The following CNTNAP2 variants were observed in gnomAD, a reference collection of about 807,000 sequenced individuals.
The protein encoded by CNTNAP2 is contactin associated protein 2.
CNTNAP2 carries 98 observed loss-of-function variants against 155.2 expected under a neutral mutation model. The ratio of observed to expected loss-of-function variants is 0.63; its 90% CI spans 0.54 to 0.75. The LOEUF is 0.75. Among genes scored for constraint, CNTNAP2 ranks in the 30% least tolerant of loss-of-function variants. The pLI is 0.00. For synonymous variants in CNTNAP2, 651 were observed against 631.2 expected, an observed-to-expected ratio of 1.03 and a Z score of -0.47; for missense variants, 1,727 against 1,688.1, an observed-to-expected ratio of 1.02 and a Z score of -0.40.
intron 1 of CNTNAP2, among the ~76,000 whole-genome samples, chr7:146,562,789 T>A (rs73468423): frequency 0.03 from 4,605 of 152,280 alleles, 255 homozygotes; most frequent in African/African-American, 0.1. Flanking sequence ...TAGGTTTTTT[T>A]ATTTAATCAA....
chr7:148,074,646 C>A (rs181841993), intron 15 of CNTNAP2, among the ~76,000 whole-genome samples: 1 of 151,708 alleles, frequency 6.6e-6, no homozygotes, highest in Non-Finnish European at 1.5e-5. Flanking sequence ...CGAGATTGCG[C>A]CACTGCACTC....
chr7:147,104,676 C>CA, intron 4 of CNTNAP2, among the ~76,000 whole-genome samples: 1 of 150,596 alleles, frequency 6.6e-6, no homozygotes, highest in South Asian at 2.1e-4. Context: ...ACTACAGTTT[C>CA]AAATTATATA....
intron 1 of CNTNAP2, among the ~76,000 whole-genome samples, chr7:146,552,137 C>T (rs1798132203): frequency 6.6e-6 from 1 of 152,086 alleles, no homozygotes; most frequent in African/African-American, 2.4e-5. Context: ...AGCAAAGTTG[C>T]AACTATTATT....
At chr7:146,158,684 G>T (rs573422181) in intron 1 of CNTNAP2, among the ~76,000 whole-genome samples, 2 of 152,040 alleles carry the variant, frequency 1.3e-5, no homozygotes, top group African/African-American at 4.8e-5. Context: ...AAGAAGAGAA[G>T]TTTAGGGAAA....
At chr7:147,407,269 C>A (rs562474869) in intron 10 of CNTNAP2, among the ~76,000 whole-genome samples, 9 of 152,030 alleles carry the variant, frequency 5.9e-5, no homozygotes, top group Admixed American at 2.0e-4. Context: ...GAGATCGAGA[C>A]CATCCTGGCT....
At chr7:146,500,010 A>G (rs1209000021) in intron 1 of CNTNAP2, among the ~76,000 whole-genome samples, 1 of 151,950 alleles carries the variant, frequency 6.6e-6, no homozygotes, top group Non-Finnish European at 1.5e-5. Context: ...TATTAATTTT[A>G]TTTTCAGATT....
intron 8 of CNTNAP2, among the ~76,000 whole-genome samples, chr7:147,288,140 G>A (rs1805224910): frequency 1.3e-5 from 2 of 151,950 alleles, no homozygotes; most frequent in South Asian, 4.2e-4. Context: ...TGTCCTTCAG[G>A]CTTCAGATTT....
chr7:146,180,995 T>C (rs1449064472), intron 1 of CNTNAP2, among the ~76,000 whole-genome samples: 1 of 152,154 alleles, frequency 6.6e-6, no homozygotes, highest in Non-Finnish European at 1.5e-5. Context: ...CCTACTATCT[T>C]CTTTCTTGGC....
intron 1 of CNTNAP2, among the ~76,000 whole-genome samples, chr7:146,304,182 C>G (rs1370884026): frequency 6.7e-6 from 1 of 149,376 alleles, no homozygotes; most frequent in Admixed American, 6.8e-5. Flanking sequence ...TGAGATGGGT[C>G]TCCTGAATAC....
intron 15 of CNTNAP2, among the ~76,000 whole-genome samples, chr7:147,994,019 T>TACACAC (rs749545119): frequency 6.6e-6 from 1 of 151,500 alleles, no homozygotes; most frequent in Non-Finnish European, 1.5e-5. Flanking sequence ...CAATTACACA[T>TACACAC]ACACACACAC....
intron 14 of CNTNAP2, among the ~76,000 whole-genome samples, chr7:147,907,683 T>C (rs1213484140): frequency 1.3e-5 from 2 of 152,150 alleles, no homozygotes. Flanking sequence ...TCTTGGCAAA[T>C]TTTTGTGATC....
At chr7:146,154,853 C>T (rs186435126) in intron 1 of CNTNAP2, among the ~76,000 whole-genome samples, 4 of 152,290 alleles carry the variant, frequency 2.6e-5, no homozygotes, top group African/African-American at 4.8e-5. Context: ...GGTATTCCTT[C>T]CCTTCAGAGC....
At chr7:146,996,313 A>G (rs1056709808) in intron 3 of CNTNAP2, among the ~76,000 whole-genome samples, 2 of 152,098 alleles carry the variant, frequency 1.3e-5, no homozygotes, top group East Asian at 1.9e-4. Flanking sequence ...TAAGTAGTAT[A>G]GACATTTTAA....
At chr7:146,500,020 T>C (rs1053511231) in intron 1 of CNTNAP2, among the ~76,000 whole-genome samples, 1 of 152,196 alleles carries the variant, frequency 6.6e-6, no homozygotes, top group Non-Finnish European at 1.5e-5. Flanking sequence ...ATTTTCAGAT[T>C]GTTTATTGCT....
intron 3 of CNTNAP2, among the ~76,000 whole-genome samples, chr7:146,878,361 A>C (rs541089670): frequency 1.9e-4 from 28 of 150,238 alleles, no homozygotes; most frequent in Admixed American, 5.3e-4. Flanking sequence ...TGCTAACTTC[A>C]TTTTGCTAGT....
chr7:148,046,148 A>G (rs765733241), intron 15 of CNTNAP2, among the ~76,000 whole-genome samples: 4 of 152,116 alleles, frequency 2.6e-5, no homozygotes, highest in Non-Finnish European at 4.4e-5. Flanking sequence ...TAATATGATC[A>G]TGGCTCACTG....
At chr7:147,852,714 T>A (rs551575390) in intron 13 of CNTNAP2, among the ~76,000 whole-genome samples, 2 of 152,348 alleles carry the variant, frequency 1.3e-5, no homozygotes, top group South Asian at 4.1e-4. Flanking sequence ...CTATTGATTT[T>A]CTTTCTTTTT....
chr7:146,173,917 G>A (rs920187831), intron 1 of CNTNAP2, among the ~76,000 whole-genome samples: 6 of 152,178 alleles, frequency 3.9e-5, no homozygotes, highest in Non-Finnish European at 7.4e-5. Flanking sequence ...CAAGAATATC[G>A]ACAATAAATC....
chr7:147,438,278 T>A (rs538586400), intron 10 of CNTNAP2, among the ~76,000 whole-genome samples: 174 of 152,272 alleles, frequency 1.1e-3, no homozygotes, highest in African/African-American at 4.1e-3. Context: ...TATGCTGAGA[T>A]ATGTTCCTTC....
Sources: gnomAD v4.1 joint callset for allele counts (sites outside exome capture counted in the v4.1 genomes callset) on GRCh38, gnomAD v4.1.1 for gene constraint, MANE v1.5 for transcripts, NCBI Gene and HGNC (gene_info 2026-07-23, HGNC 2026-07-21) for gene names.